Variants in ABR observed in about 807,000 individuals in gnomAD.
ABR encodes the protein active breakpoint cluster region-related protein.
A neutral mutation model predicts 107.2 loss-of-function variants in ABR; 35 were observed. The observed-to-expected ratio is 0.33, with a 90% CI of 0.25 to 0.43. The LOEUF (loss-of-function observed/expected upper bound fraction) is 0.43, where lower values mean the gene tolerates loss of function less well. ABR is among the 20% of genes least tolerant of loss of function. ABR has a pLI of 1.00. For synonymous variants in ABR, 498 were observed against 462.0 expected (o/e 1.08, Z -1.00); for missense variants, 815 against 1,115.2 (o/e 0.73, Z 3.83).
At chr17:1,055,225 A>C (rs1231637890) in intron 14 of ABR, 1 of 152,206 alleles carries the variant, frequency 6.6e-6, no homozygotes, top group East Asian at 1.9e-4. Flanking sequence ...TTTTTTAAAA[A>C]TTAAAAAGTG....
chr17:1,056,335 G>C (rs187278437), intron 13 of ABR, among the ~76,000 whole-genome samples: 2 of 152,130 alleles, frequency 1.3e-5, no homozygotes, highest in South Asian at 4.1e-4. Flanking sequence ...AGCCTGGGGG[G>C]GTCCAGCACA....
At chr17:1,219,775 G>A (rs78488970) in intron 1 of ABR, among the ~76,000 whole-genome samples, 6,891 of 143,512 alleles carry the variant, frequency 0.048, 217 homozygotes, top group East Asian at 0.14. Context: ...TAAAATAATT[G>A]ATTTTTAAAA....
chr17:1,159,459 G>A (rs79899356), intron 1 of ABR, among the ~76,000 whole-genome samples: 993 of 17,784 alleles, frequency 0.056, 112 homozygotes, highest in African/African-American at 0.13. Context: ...CACACACAAG[G>A]GAAGTAAGAA....
chr17:1,180,802 G>C (rs2042109521), upstream of ABR, among the ~76,000 whole-genome samples: 1 of 152,214 alleles, frequency 6.6e-6, no homozygotes, highest in Non-Finnish European at 1.5e-5. Context: ...GAAGAGATTG[G>C]GGGCCCCATG....
chr17:1,144,963 A>T (rs2040469845), intron 1 of ABR, among the ~76,000 whole-genome samples: 1 of 152,150 alleles, frequency 6.6e-6, no homozygotes, highest in Non-Finnish European at 1.5e-5. Context: ...AGGTTGCAGT[A>T]GGCCAGATGG....
At chr17:1,007,757 C>T (rs150647920) in intron 21 of ABR, among the ~76,000 whole-genome samples, 2 of 152,362 alleles carry the variant, frequency 1.3e-5, no homozygotes, top group East Asian at 1.9e-4. Flanking sequence ...ACACAGCCAG[C>T]AACTGGTAGA....
chr17:1,123,669 A>G (rs1387407074), intron 2 of ABR, among the ~76,000 whole-genome samples: 1 of 152,168 alleles, frequency 6.6e-6, no homozygotes, highest in African/African-American at 2.4e-5. Context: ...AGCTGCTCAC[A>G]GTGGGGTGAG....
At chr17:1,224,137 T>C (rs982886973) in intron 1 of ABR, among the ~76,000 whole-genome samples, 2 of 151,888 alleles carry the variant, frequency 1.3e-5, no homozygotes, top group African/African-American at 4.8e-5. Context: ...GTCTCACACC[T>C]GGGGAGAGGC....
At chr17:1,153,451 G>T (rs2040891267) in intron 1 of ABR, among the ~76,000 whole-genome samples, 1 of 145,004 alleles carries the variant, frequency 6.9e-6, no homozygotes. Flanking sequence ...GGGGGTCCAG[G>T]CACACCTGCG....
chr17:1,097,233 A>C (rs1411865562), intron 3 of ABR, among the ~76,000 whole-genome samples: 2 of 152,140 alleles, frequency 1.3e-5, no homozygotes, highest in Non-Finnish European at 1.5e-5. Flanking sequence ...ACGAAGCCCT[A>C]ACCTGTCTCC....
At chr17:1,186,857 T>C (rs1215276250) in exon 1 of ABR, 9 of 152,338 alleles carry the variant, frequency 5.9e-5, no homozygotes, top group Non-Finnish European at 1.3e-4. Flanking sequence ...ATGGATTCTC[T>C]AAGTCTCCAA....
At chr17:1,108,265 GCTC>G (rs1002609478) in intron 2 of ABR, among the ~76,000 whole-genome samples, 6 of 152,104 alleles carry the variant, frequency 3.9e-5, no homozygotes, top group African/African-American at 1.2e-4. Flanking sequence ...GGGCCGCCCC[GCTC>G]CTCAAGGGAT....
chr17:1,162,371 G>A (rs1001871206), intron 1 of ABR, among the ~76,000 whole-genome samples: 14 of 152,306 alleles, frequency 9.2e-5, no homozygotes, highest in Admixed American at 2.6e-4. Flanking sequence ...GTTTCCTGGC[G>A]TGGGCCCCTC....
chr17:1,140,818 A>G (rs1316752774), intron 1 of ABR, among the ~76,000 whole-genome samples: 1 of 151,938 alleles, frequency 6.6e-6, no homozygotes. Flanking sequence ...CCTGACCTCA[A>G]GTGATCCGCC....
chr17:1,114,388 T>G (rs2038885021), intron 2 of ABR, among the ~76,000 whole-genome samples: 1 of 150,240 alleles, frequency 6.7e-6, no homozygotes, highest in African/African-American at 2.5e-5. Flanking sequence ...AAGAATTCCT[T>G]GAATCCGGGA....
intron 1 of ABR, among the ~76,000 whole-genome samples, chr17:1,192,733 T>C (rs990189841): frequency 6.6e-6 from 1 of 152,020 alleles, no homozygotes; most frequent in Non-Finnish European, 1.5e-5. Context: ...GCCAACATGG[T>C]GAAACCCCGT....
Position 1,050,395 on chromosome 17 carries a change from C to A in ABR, c.1659+142G>T. ...GGGTCTGACACCCAGACACACACCG[C>A]GATCAGAAGCCAGAGGAGCAGGGAG... is the stretch of plus-strand genomic sequence containing the variant. On this transcript the variant is annotated intron_variant, in intron 15 of 22. Coordinates refer to ENST00000302538, the MANE Select transcript of ABR (RefSeq NM_021962.5). The surrounding 1 kb of genome is among the most constrained non-coding windows in gnomAD (Gnocchi z 4.6). 1.0e-6 allele frequency: 1 copy of A among 965,338 alleles called. No homozygotes were observed. The highest frequency in any genetic ancestry group is 1.6e-6 in the Non-Finnish European group (1 of 630,796). The allele number at this position is 965,338 out of a possible 1,614,324, so 59.8% of individuals were successfully genotyped here.
At position 1,017,539 on chromosome 17, in the gene ABR, G is replaced by A. The variant is rs528160129; in HGVS notation, c.1792-4375C>T. Among the ~76,000 whole-genome samples, 294 of 147,592 alleles carry A rather than the reference G, an allele frequency of 2.0e-3. 1 individual carries two copies. Among genetic ancestry groups the A allele is most frequent in the Non-Finnish European group, 3.7e-3 (247 of 67,308 alleles). On this transcript the variant is annotated intron_variant, in intron 16 of 22. Transcript: ENST00000302538. ...GGCTGGAGTGCAGTGGTGTGATCTC[G>A]GCTGACTGCAACCCGTCTCCCAGGT...
At chr17:1,067,382 G>A in intron 9 of ABR, 140 bp from the exon 10 acceptor site, 1 of 852,478 alleles carries the variant, frequency 1.2e-6, no homozygotes, top group South Asian at 1.8e-5. Flanking sequence ...TGCTCCTGAG[G>A]AGCCTGATTG....
Sources: allele counts gnomAD v4.1 joint callset (sites outside exome capture counted in the v4.1 genomes callset), GRCh38; gene constraint gnomAD v4.1.1; non-coding constraint Gnocchi (gnomAD v3.1); transcripts MANE v1.5; gene names NCBI Gene and HGNC (gene_info 2026-07-23, HGNC 2026-07-21).